Variants in CFDP1 observed in about 807,000 individuals in gnomAD.
CFDP1 encodes the protein heterochromatin-stabilizing protein CFDP1.
CFDP1 carries 31 observed loss-of-function variants against 40.1 expected under a neutral mutation model. The ratio of observed to expected loss-of-function variants is 0.77; its 90% confidence interval spans 0.58 to 1.04. The LOEUF (loss-of-function observed/expected upper bound fraction) is 1.04, where lower values mean the gene tolerates loss of function less well. CFDP1 is among the 50% of genes least tolerant of loss of function. The pLI is 0.00. For synonymous variants in CFDP1, 167 were observed against 120.0 expected, an observed-to-expected ratio of 1.39 and a Z score of -2.56; for missense variants, 423 against 343.4, an observed-to-expected ratio of 1.23 and a Z score of -1.83.
At chr16:75,294,400 G>C (rs1267267225) in intron 6 of CFDP1, among the ~76,000 whole-genome samples, 1 of 152,186 alleles carries the variant, frequency 6.6e-6, no homozygotes, top group Non-Finnish European at 1.5e-5. Flanking sequence ...ACATCTTTGA[G>C]CCTCACTTTT....
rs1555557246 is a variant in CFDP1 at position 75,349,696 on chromosome 16, T to TAC, written c.651-44515_651-44514insGT. On this transcript the variant is annotated intron_variant, in intron 5 of 6. Transcript: ENST00000283882. The stretch of plus-strand genomic sequence containing the variant: ...AAAAAAAAAAAAAAAAAAAAATATA[T>TAC]ATACATACATATATACGGTTGATTT... Among the ~76,000 whole-genome samples, 101 of 47,948 alleles carry TAC rather than the reference T, an allele frequency of 2.1e-3. 15 individuals are homozygous for TAC. The highest frequency in any genetic ancestry group is 0.011 in the African/African-American group (96 of 8,354). The allele number at this position is 47,948 out of a possible 152,430, so 31.5% of individuals were successfully genotyped here.
At chr16:75,411,973 G>A in intron 3 of CFDP1, 21 bp from the exon 4 acceptor site, 9 of 1,575,716 alleles carry the variant, frequency 5.7e-6, no homozygotes, top group Non-Finnish European at 7.7e-6. Flanking sequence ...AACAAGAAAT[G>A]TAATGTTTCA....
At chr16:75,385,767 TAATA>T (rs1399377214) in intron 5 of CFDP1, among the ~76,000 whole-genome samples, 1 of 152,190 alleles carries the variant, frequency 6.6e-6, no homozygotes, top group Non-Finnish European at 1.5e-5. Flanking sequence ...TATGAAGCAA[TAATA>T]AATTACTGTT....
At chr16:75,348,262 T>G (rs577452538) in intron 5 of CFDP1, among the ~76,000 whole-genome samples, 5 of 152,282 alleles carry the variant, frequency 3.3e-5, no homozygotes, top group African/African-American at 1.2e-4. Context: ...TCCAAAATAG[T>G]TGGGACTGCA....
intron 5 of CFDP1, among the ~76,000 whole-genome samples, chr16:75,330,733 AG>A (rs900447196): frequency 5.3e-5 from 8 of 152,206 alleles, no homozygotes; most frequent in Non-Finnish European, 8.8e-5. Context: ...CCATTGGAAA[AG>A]CTATGCAGAA....
chr16:75,433,182 C>A, intron 1 of CFDP1, 107 bp downstream of exon 1: 1 of 1,115,148 alleles, frequency 9.0e-7, no homozygotes, highest in Non-Finnish European at 1.3e-6. Flanking sequence ...ACAGGAGCCC[C>A]CCTGGACCAC....
chr16:75,414,347 C>T (rs1347883968), intron 2 of CFDP1, among the ~76,000 whole-genome samples: 3 of 152,154 alleles, frequency 2.0e-5, no homozygotes. Flanking sequence ...ATTTTCTGTT[C>T]TAACCATATG....
chr16:75,409,159 AG>A (rs2079133138), intron 4 of CFDP1, among the ~76,000 whole-genome samples: 1 of 152,036 alleles, frequency 6.6e-6, no homozygotes, highest in Non-Finnish European at 1.5e-5. Flanking sequence ...GTGCCAGGCC[AG>A]TTTTTTGTTT....
At chr16:75,377,137 G>A (rs1209704832) in intron 5 of CFDP1, among the ~76,000 whole-genome samples, 1 of 152,208 alleles carries the variant, frequency 6.6e-6, no homozygotes, top group Non-Finnish European at 1.5e-5. Context: ...GGGCTTGGCT[G>A]TGCCCTGTAT....
intron 5 of CFDP1, among the ~76,000 whole-genome samples, chr16:75,311,495 CT>C (rs1213437482): frequency 6.6e-6 from 1 of 152,130 alleles, no homozygotes; most frequent in Non-Finnish European, 1.5e-5. Context: ...TACCCAAACA[CT>C]TTTTCTCATA....
chr16:75,407,514 C>T (rs892891815), intron 4 of CFDP1, among the ~76,000 whole-genome samples: 2 of 151,382 alleles, frequency 1.3e-5, no homozygotes, highest in African/African-American at 4.9e-5. Flanking sequence ...GACATTGCTA[C>T]AAAAAAATTT....
At chr16:75,298,889 C>G (rs2078202708) in intron 6 of CFDP1, among the ~76,000 whole-genome samples, 1 of 152,022 alleles carries the variant, frequency 6.6e-6, no homozygotes, top group African/African-American at 2.4e-5. Context: ...TTCTTCAGTC[C>G]CTCCTTCATG....
chr16:75,326,134 T>A (rs1008085697), intron 5 of CFDP1, among the ~76,000 whole-genome samples: 8 of 152,258 alleles, frequency 5.3e-5, no homozygotes, highest in Non-Finnish European at 8.8e-5. Context: ...GGAGTCATTT[T>A]ATGTGAAAAT....
chr16:75,369,577 A>C (rs1221996865), intron 5 of CFDP1, among the ~76,000 whole-genome samples: 1 of 152,176 alleles, frequency 6.6e-6, no homozygotes, highest in East Asian at 1.9e-4. Context: ...ATGTGTCCAC[A>C]CTTGTTTCTT....
At chr16:75,428,195 C>T (rs1308397932) in intron 1 of CFDP1, among the ~76,000 whole-genome samples, 3 of 150,540 alleles carry the variant, frequency 2.0e-5, no homozygotes, top group African/African-American at 7.3e-5. Context: ...GGTTACACAA[C>T]GCTAGGCATT....
At chr16:75,337,361 C>A (rs1344532479) in intron 5 of CFDP1, among the ~76,000 whole-genome samples, 1 of 152,200 alleles carries the variant, frequency 6.6e-6, no homozygotes, top group Non-Finnish European at 1.5e-5. Context: ...CTTCCAAACT[C>A]TCCCTCCTCT....
chr16:75,431,362 G>C (rs369536620), intron 1 of CFDP1, among the ~76,000 whole-genome samples: 10 of 133,942 alleles, frequency 7.5e-5, no homozygotes, highest in African/African-American at 2.8e-4. Context: ...GCTGAGGCAA[G>C]AGAATGGCGT....
intron 3 of CFDP1, 63 bp from the exon 4 acceptor site, chr16:75,412,015 TTTTTA>T: frequency 3.4e-6 from 5 of 1,486,102 alleles, no homozygotes; most frequent in Non-Finnish European, 4.5e-6. Context: ...TTACAGATAC[TTTTTA>T]TTTTTTTTTC....
intron 5 of CFDP1, among the ~76,000 whole-genome samples, chr16:75,366,724 G>C (rs1009831770): frequency 6.6e-6 from 1 of 152,182 alleles, no homozygotes; most frequent in Admixed American, 6.5e-5. Context: ...GAGACAGAAA[G>C]CAGATCAGTG....
Sources: gnomAD v4.1 joint callset for allele counts (sites outside exome capture counted in the v4.1 genomes callset) on GRCh38, gnomAD v4.1.1 for gene constraint, MANE v1.5 for transcripts, NCBI Gene and HGNC (gene_info 2026-07-23, HGNC 2026-07-21) for gene names.